The following GABRB3 variants were observed in gnomAD, a reference collection of about 807,000 sequenced individuals.
The protein encoded by GABRB3 is gamma-aminobutyric acid receptor subunit beta-3.
A neutral mutation model predicts 52.1 loss-of-function variants in GABRB3; 14 were observed. The ratio of observed to expected loss-of-function variants is 0.27; its 90% CI spans 0.18 to 0.42. GABRB3 has a LOEUF of 0.42. Ranked by LOEUF, GABRB3 falls within the 10% of genes least tolerant of loss-of-function variation. The pLI, the probability that GABRB3 is intolerant of heterozygous loss-of-function variation, is 1.00. For missense variants in GABRB3, 307 were observed against 609.1 expected (o/e 0.50, Z 5.22); for synonymous variants, 260 against 232.3 (o/e 1.12, Z -1.08).
At chr15:26,669,075 C>A (rs1303044362) in intron 3 of GABRB3, among the ~76,000 whole-genome samples, 1 of 152,184 alleles carries the variant, frequency 6.6e-6, no homozygotes, top group East Asian at 1.9e-4. Flanking sequence ...AGGCTCACTG[C>A]TTTCCATAAA....
chr15:26,674,411 A>G (rs958500228), intron 3 of GABRB3, among the ~76,000 whole-genome samples: 3 of 119,888 alleles, frequency 2.5e-5, no homozygotes, highest in South Asian at 2.7e-4. Context: ...AAAAAAAAAA[A>G]AAAAAAAAAA....
intron 3 of GABRB3, among the ~76,000 whole-genome samples, chr15:26,684,218 A>G (rs1647426340): frequency 6.6e-6 from 1 of 152,156 alleles, no homozygotes. Flanking sequence ...AAACTTACAC[A>G]CAAGTCTGGA....
intron 3 of GABRB3, among the ~76,000 whole-genome samples, chr15:26,697,046 C>T (rs1464298996): frequency 1.3e-5 from 2 of 152,166 alleles, no homozygotes; most frequent in Non-Finnish European, 2.9e-5. Flanking sequence ...TCCAAACCCA[C>T]AGAGTTGTTA....
intron 4 of GABRB3, among the ~76,000 whole-genome samples, chr15:26,586,838 A>G (rs1891011343): frequency 6.6e-6 from 1 of 152,198 alleles, no homozygotes. Context: ...TTGTGGAATT[A>G]AAACAATGAA....
Position 26,657,861 on chromosome 15 carries a change from A to G in GABRB3, c.241-36327T>C, listed in dbSNP as rs76749870. 8.5e-3 allele frequency among the ~76,000 whole-genome samples: 1,292 copies of G among 152,318 alleles called. 16 individuals carry two copies. The highest frequency in any genetic ancestry group is 0.03 in the African/African-American group (1,234 of 41,556). On this transcript the variant is annotated intron_variant, in intron 3 of 8. Transcript: ENST00000311550. ...ACTAACTTTGGGAGGAATTCAGCTT[A>G]TAGTTCAACTTTAAAACGAAGAAGA...
intron 3 of GABRB3, among the ~76,000 whole-genome samples, chr15:26,661,642 A>G (rs1209465266): frequency 6.6e-6 from 1 of 152,100 alleles, no homozygotes; most frequent in African/African-American, 2.4e-5. Context: ...AAGGGGTTTC[A>G]GGTATGGTGA....
chr15:26,712,745 C>T (rs1212097360), intron 3 of GABRB3, among the ~76,000 whole-genome samples: 1 of 152,066 alleles, frequency 6.6e-6, no homozygotes. Context: ...AAGCCAGGGC[C>T]CTGTGCCCAC....
At position 26,545,433 on chromosome 15, in the gene GABRB3, C is replaced by T. The variant is rs1329359272; in HGVS notation, c.*2360G>A. 6.6e-6 allele frequency: 1 copy of T among 152,560 alleles called. No individual in the cohort carries two copies. Among genetic ancestry groups the T allele is most frequent in the Non-Finnish European group, 1.5e-5 (1 of 68,038 alleles). The allele number at this position is 152,560 out of a possible 1,614,324, so 9.5% of individuals were successfully genotyped here. On this transcript the variant is annotated 3_prime_UTR_variant, in exon 9 of 9. Coordinates refer to ENST00000311550, the MANE Select transcript of GABRB3 (RefSeq NM_000814.6). ...CTCTGCCTTTGATATTTGGGTACCT[C>T]AACTATGCATCAAAAAAGTTTTAAA...
intron 4 of GABRB3, among the ~76,000 whole-genome samples, chr15:26,611,368 T>C (rs1235182960): frequency 2.6e-5 from 4 of 152,220 alleles, no homozygotes; most frequent in Non-Finnish European, 5.9e-5. Flanking sequence ...TTCTCATATA[T>C]AAAATGCTAA....
chr15:26,611,692 G>A (rs150618448), intron 4 of GABRB3, among the ~76,000 whole-genome samples: 6 of 152,210 alleles, frequency 3.9e-5, no homozygotes, highest in East Asian at 3.9e-4. Context: ...TTCTCTGTAC[G>A]TCTATCTTCA....
chr15:26,615,311 T>C, intron 4 of GABRB3: 1 of 985,426 alleles, frequency 1.0e-6, no homozygotes, highest in Non-Finnish European at 1.2e-6. Context: ...CAAGGATTTA[T>C]GTTTTATTTT....
chr15:26,613,101 A>G (rs1297069112), intron 4 of GABRB3: 1 of 152,668 alleles, frequency 6.6e-6, no homozygotes, highest in African/African-American at 2.4e-5. Flanking sequence ...TGAGCAACAG[A>G]GCAAGACCCT....
At chr15:26,557,631 A>T (rs1160151906) in intron 8 of GABRB3, 1 of 152,226 alleles carries the variant, frequency 6.6e-6, no homozygotes, top group Non-Finnish European at 1.5e-5. Context: ...GTTTATCTTT[A>T]GGAGCATCAA....
At chr15:26,662,828 A>G (rs1342574807) in intron 3 of GABRB3, among the ~76,000 whole-genome samples, 3 of 152,274 alleles carry the variant, frequency 2.0e-5, no homozygotes, top group Middle Eastern at 3.4e-3. Context: ...AACAGACCCA[A>G]CACATCTTTT....
At chr15:26,601,958 A>G (rs72702168) in intron 4 of GABRB3, among the ~76,000 whole-genome samples, 225 of 152,316 alleles carry the variant, frequency 1.5e-3, no homozygotes, top group Non-Finnish European at 2.6e-3. Context: ...ATCAAAATAC[A>G]TAGAGTGGCT....
rs1595554549 is a variant in GABRB3, at chr15:26,727,834, T to C, written c.240+44568A>G. 2.6e-5 allele frequency among the ~76,000 whole-genome samples: 4 copies of C among 152,226 alleles called. No individual in the cohort carries two copies. In the East Asian group the frequency reaches 5.8e-4, roughly 22 times the overall value. On this transcript the variant is annotated intron_variant, in intron 3 of 8. Transcript: ENST00000311550. ...CAAGGTTCATACAAGCCTTACTTGTTTCCTTGTTTATCACTCTTTTCTTAG... is the reference window on the plus strand; with the variant it reads ...CAAGGTTCATACAAGCCTTACTTGTCTCCTTGTTTATCACTCTTTTCTTAG...
At chr15:26,708,490 G>A (rs2140126813) in intron 3 of GABRB3, among the ~76,000 whole-genome samples, 1 of 152,338 alleles carries the variant, frequency 6.6e-6, no homozygotes, top group East Asian at 1.9e-4. Context: ...ATAGGCAAAA[G>A]TGACTGCTGC....
At chr15:26,742,208 T>TTA (rs1890226112) in intron 3 of GABRB3, among the ~76,000 whole-genome samples, 1 of 152,150 alleles carries the variant, frequency 6.6e-6, no homozygotes, top group Non-Finnish European at 1.5e-5. Context: ...CATGTATCTC[T>TTA]TAGAGTTTGC....
chr15:26,711,940 G>A (rs752852913), intron 3 of GABRB3, among the ~76,000 whole-genome samples: 1 of 152,214 alleles, frequency 6.6e-6, no homozygotes, highest in Non-Finnish European at 1.5e-5. Flanking sequence ...TGAGGAGAAG[G>A]CATTTTAGTA....
Sources: allele counts gnomAD v4.1 joint callset (sites outside exome capture counted in the v4.1 genomes callset), GRCh38; gene constraint gnomAD v4.1.1; transcripts MANE v1.5; gene names NCBI Gene and HGNC (gene_info 2026-07-23, HGNC 2026-07-21).